Variants in LEPROT observed in about 807,000 individuals in gnomAD.
The protein encoded by LEPROT is leptin receptor gene-related protein.
In LEPROT, 3 loss-of-function variants were observed where a neutral mutation model predicts 15.4. The observed-to-expected ratio is 0.19, with a 90% CI of 0.09 to 0.50. The LOEUF is 0.50. Among genes scored for constraint, LEPROT ranks in the 20% least tolerant of loss-of-function variants. The pLI, the probability that LEPROT is intolerant of heterozygous loss-of-function variation, is 0.97. For synonymous variants in LEPROT, 59 were observed against 57.5 expected (o/e 1.03, Z -0.12); for missense variants, 137 against 162.2 (o/e 0.84, Z 0.84).
intron 3 of LEPROT, among the ~76,000 whole-genome samples, chr1:65,431,155 T>C (rs1646476800): frequency 6.6e-6 from 1 of 152,226 alleles, no homozygotes; most frequent in African/African-American, 2.4e-5. Flanking sequence ...GACTTTATTT[T>C]TCTTGTGCTT....
chr1:65,432,734 A>T lies in LEPROT; in HGVS notation c.*815A>T. 1.4e-4 allele frequency: 89 copies of T among 642,570 alleles called. No homozygotes were observed. The highest frequency in any genetic ancestry group is 2.1e-4 in the South Asian group (3 of 14,352). The allele number at this position is 642,570 out of a possible 1,614,324, so 39.8% of individuals were successfully genotyped here. On this transcript the variant is annotated 3_prime_UTR_variant, in exon 4 of 4. Transcript: ENST00000371065. ...GGAGGAATAAGTGTGATTTTTTTTT[A>T]AAGATCACTTGCACAGCATGCTAAA...
In LEPROT at chr1:65,435,165, G is replaced by T. The variant is rs913263851; in HGVS notation, c.*3246G>T. On this transcript the variant is annotated 3_prime_UTR_variant, in exon 4 of 4. Coordinates refer to ENST00000371065, the MANE Select transcript of LEPROT (RefSeq NM_017526.5). ...TCTTCCTCAGGAGGAGTTCTGAGCTGGTCCTGCTTTTCATAGTTGTTTCTT... is the reference window on the plus strand; with the variant it reads ...TCTTCCTCAGGAGGAGTTCTGAGCTTGTCCTGCTTTTCATAGTTGTTTCTT... 1 of 985,322 alleles carries T rather than the reference G, an allele frequency of 1.0e-6. No homozygotes were observed. The highest frequency in any genetic ancestry group is 1.2e-6 in the Non-Finnish European group (1 of 829,940). The allele number at this position is 985,322 out of a possible 1,614,324, so 61.0% of individuals were successfully genotyped here.
rs1646499322 is a variant in LEPROT, at chr1:65,432,472, C to A, written c.*553C>A. Reference sequence around the variant, plus strand: ...TGTATGCACATGAAAGTTTGAGAAGCATCATCATAGAGAAGTAAACATCAC... The same window carrying A: ...TGTATGCACATGAAAGTTTGAGAAGAATCATCATAGAGAAGTAAACATCAC... On this transcript the variant is annotated 3_prime_UTR_variant, in exon 4 of 4. Coordinates refer to ENST00000371065, the MANE Select transcript of LEPROT (RefSeq NM_017526.5). The A allele has an allele frequency of 1.7e-6, 1 of 593,700 alleles. No homozygotes were observed. Among genetic ancestry groups the A allele is most frequent in the Non-Finnish European group, 2.1e-6 (1 of 472,220 alleles). 36.8% of individuals were successfully genotyped at this position (593,700 alleles called of 1,614,324 possible). A position where few individuals can be genotyped will look rare whatever the true frequency, so the allele number is the denominator to read the frequency against.
chr1:65,432,179 T>C lies in LEPROT; in HGVS notation c.*260T>C, dbSNP rs1430184837. On this transcript the variant is annotated 3_prime_UTR_variant, in exon 4 of 4. Coordinates refer to ENST00000371065, the MANE Select transcript of LEPROT (RefSeq NM_017526.5). ...GTAGTCACGGTGCTCTCAGAAAATA[T>C]ATTAACGCAGTCTTGTAGGCAGCTG... 5 of 1,127,328 alleles carry C rather than the reference T, an allele frequency of 4.4e-6. No individual in the cohort carries two copies. In the African/African-American group the frequency reaches 6.6e-5, roughly 15 times the overall value. The allele number at this position is 1,127,328 out of a possible 1,614,324, so 69.8% of individuals were successfully genotyped here. A position where few individuals can be genotyped will look rare whatever the true frequency, so the allele number is the denominator to read the frequency against.
Position 65,433,456 on chromosome 1 carries a change from C to T in LEPROT, c.*1537C>T, listed in dbSNP as rs1408893196. The T allele has an allele frequency of 2.0e-6, 2 of 985,252 alleles. No individual in the cohort carries two copies. The highest frequency in any genetic ancestry group is 3.5e-5 in the African/African-American group (2 of 57,224). The allele number at this position is 985,252 out of a possible 1,614,324, so 61.0% of individuals were successfully genotyped here. A position where few individuals can be genotyped will look rare whatever the true frequency, so the allele number is the denominator to read the frequency against. ...AGAAAGGGAAATATGGGAAGGAGAA[C>T]CATTTGATCAGAATACAACCAATAG... is the stretch of plus-strand genomic sequence containing the variant. On this transcript the variant is annotated 3_prime_UTR_variant, in exon 4 of 4. Transcript: ENST00000371065.
chr1:65,434,320 TC>T lies in LEPROT; in HGVS notation c.*2402del. 2 of 984,914 alleles carry T rather than the reference TC, an allele frequency of 2.0e-6. No homozygotes were observed. Among genetic ancestry groups the T allele is most frequent in the Non-Finnish European group, 2.4e-6 (2 of 829,468 alleles). 61.0% of individuals were successfully genotyped at this position (984,914 alleles called of 1,614,324 possible). Reference sequence around the variant, plus strand: ...GGACATTTTTTTCCTTATAAAAGGCTCTTTTTTTATATATTGTACAATATAT... The same window carrying T: ...GGACATTTTTTTCCTTATAAAAGGCTTTTTTTTATATATTGTACAATATAT... On this transcript the variant is annotated 3_prime_UTR_variant, in exon 4 of 4. Coordinates refer to ENST00000371065, the MANE Select transcript of LEPROT (RefSeq NM_017526.5).
intron 3 of LEPROT, 44 bp from the exon 4 acceptor site, chr1:65,431,759 T>C: frequency 6.3e-7 from 1 of 1,592,292 alleles, no homozygotes; most frequent in East Asian, 2.2e-5. Context: ...AAGAGTACAA[T>C]ATGAAGGAAG....
At chr1:65,430,477 C>T (rs1306935130) in intron 3 of LEPROT, among the ~76,000 whole-genome samples, 1 of 152,164 alleles carries the variant, frequency 6.6e-6, no homozygotes, top group African/African-American at 2.4e-5. Context: ...AACTGTGTAG[C>T]TTCCAGAAAA....
chr1:65,433,395 G>C lies in LEPROT; in HGVS notation c.*1476G>C. The C allele has an allele frequency of 1.0e-6, 1 of 985,434 alleles. No homozygotes were observed. Among genetic ancestry groups the C allele is most frequent in the South Asian group, 4.7e-5 (1 of 21,292 alleles). 61.0% of individuals were successfully genotyped at this position (985,434 alleles called of 1,614,324 possible). A position where few individuals can be genotyped will look rare whatever the true frequency, so the allele number is the denominator to read the frequency against. Reference sequence around the variant, plus strand: ...TGTCATGTTGGATCCTGTAATCACAGTTTTCCCTGCTCACCTTTTTGTCTA... The same window carrying C: ...TGTCATGTTGGATCCTGTAATCACACTTTTCCCTGCTCACCTTTTTGTCTA... On this transcript the variant is annotated 3_prime_UTR_variant, in exon 4 of 4. Coordinates refer to ENST00000371065, the MANE Select transcript of LEPROT (RefSeq NM_017526.5).
chr1:65,432,618 G>A lies in LEPROT; in HGVS notation c.*699G>A. The A allele has an allele frequency of 1.0e-6, 1 of 984,264 alleles. No individual in the cohort carries two copies. The highest frequency in any genetic ancestry group is 1.2e-6 in the Non-Finnish European group (1 of 829,266). 61.0% of individuals were successfully genotyped at this position (984,264 alleles called of 1,614,324 possible). The stretch of plus-strand genomic sequence containing the variant: ...TTTCATGCTGAGGACAAGTTCAGAT[G>A]TTCAAGCCTATAATATTTAGGCAGT... On this transcript the variant is annotated 3_prime_UTR_variant, in exon 4 of 4. Transcript: ENST00000371065.
rs781428072 is a variant in LEPROT, at chr1:65,420,688, G to A, written c.-37G>A. On this transcript the variant is annotated 5_prime_UTR_variant, in exon 1 of 4. Coordinates refer to ENST00000371065, the MANE Select transcript of LEPROT (RefSeq NM_017526.5). ...TGGGCAGGCTGCCCGGGCCGTGGCA[G>A]GAAGCCGGAAGCAGCCGCGGCCCCA... 2.1e-5 allele frequency: 33 copies of A among 1,570,680 alleles called. No individual in the cohort carries two copies. The highest frequency in any genetic ancestry group is 3.5e-5 in the South Asian group (3 of 85,494).
In LEPROT at chr1:65,434,136, A is replaced by G. The variant is rs909427644; in HGVS notation, c.*2217A>G. 1 of 984,110 alleles carries G rather than the reference A, an allele frequency of 1.0e-6. No individual in the cohort carries two copies. Among genetic ancestry groups the G allele is most frequent in the Non-Finnish European group, 1.2e-6 (1 of 828,826 alleles). 61.0% of individuals were successfully genotyped at this position (984,110 alleles called of 1,614,324 possible). A position where few individuals can be genotyped will look rare whatever the true frequency, so the allele number is the denominator to read the frequency against. ...TTAGATTGATATAAAGTACTTGCAT[A>G]TAGAGTATTTGAAGTGATAGATTAT... On this transcript the variant is annotated 3_prime_UTR_variant, in exon 4 of 4. Transcript: ENST00000371065.
Position 65,433,484 on chromosome 1 carries a change from T to C in LEPROT, c.*1565T>C. ...TTTGATCAGAATACAACCAATAGTC[T>C]TTAAGCATTGTTAAAGTATGAAACT... On this transcript the variant is annotated 3_prime_UTR_variant, in exon 4 of 4. Transcript: ENST00000371065. The C allele has an allele frequency of 1.0e-6, 1 of 985,416 alleles. No homozygotes were observed. The highest frequency in any genetic ancestry group is 1.2e-6 in the Non-Finnish European group (1 of 829,886). The allele number at this position is 985,416 out of a possible 1,614,324, so 61.0% of individuals were successfully genotyped here.
At position 65,435,755 on chromosome 1, in the gene LEPROT, TAGTA is replaced by T; in HGVS notation, c.*3838_*3841del. The T allele has an allele frequency of 1.0e-6, 1 of 983,674 alleles. No homozygotes were observed. The highest frequency in any genetic ancestry group is 1.2e-6 in the Non-Finnish European group (1 of 828,356). The allele number at this position is 983,674 out of a possible 1,614,324, so 60.9% of individuals were successfully genotyped here. ...TGAGGATGCTAGCATTTTCCAAGCA[TAGTA>T]ATTAGTTCACAACTGAGAAATATTA... On this transcript the variant is annotated 3_prime_UTR_variant, in exon 4 of 4. Coordinates refer to ENST00000371065, the MANE Select transcript of LEPROT (RefSeq NM_017526.5).
At position 65,433,427 on chromosome 1, in the gene LEPROT, A is replaced by G. The variant is rs1335733732; in HGVS notation, c.*1508A>G. On this transcript the variant is annotated 3_prime_UTR_variant, in exon 4 of 4. Coordinates refer to ENST00000371065, the MANE Select transcript of LEPROT (RefSeq NM_017526.5). ...CTGCTCACCTTTTTGTCTAAGATCT[A>G]TTGAGAAAGGGAAATATGGGAAGGA... 11 of 985,254 alleles carry G rather than the reference A, an allele frequency of 1.1e-5. No homozygotes were observed. Among genetic ancestry groups the G allele is most frequent in the South Asian group, 4.7e-5 (1 of 21,296 alleles). The allele number at this position is 985,254 out of a possible 1,614,324, so 61.0% of individuals were successfully genotyped here.
chr1:65,422,818 T>C (rs1361798042), intron 1 of LEPROT, among the ~76,000 whole-genome samples: 14 of 152,182 alleles, frequency 9.2e-5, no homozygotes, highest in Non-Finnish European at 1.3e-4. Context: ...CAGGCGATGG[T>C]GAGCCTCCGT....
chr1:65,425,238 C>T lies in LEPROT; in HGVS notation c.17-65C>T, dbSNP rs1312821414. 4 of 1,434,470 alleles carry T rather than the reference C, an allele frequency of 2.8e-6. No homozygotes were observed. The African/African-American group carries it at 5.7e-5, about 20-fold the overall frequency. 88.9% of individuals were successfully genotyped at this position (1,434,470 alleles called of 1,614,324 possible). ...TATTAGAAGTCACTCCCCATTTCCC[C>T]AAACCCTCTAGTGCCTGACAACCTC... On this transcript the variant is annotated intron_variant, in intron 1 of 3. Transcript: ENST00000371065.
In LEPROT at chr1:65,434,910, CACAGAAAGAATGCCTTGTG is replaced by C; in HGVS notation, c.*2993_*3011del. ...GAGAAGAAAGCAGATCACACTTCATCACAGAAAGAATGCCTTGTGATTATCTTCTCCACATCTGAAATTC... is the reference window on the plus strand; with the variant it reads ...GAGAAGAAAGCAGATCACACTTCATCATTATCTTCTCCACATCTGAAATTC... On this transcript the variant is annotated 3_prime_UTR_variant, in exon 4 of 4. Transcript: ENST00000371065. The C allele has an allele frequency of 1.7e-5, 17 of 985,436 alleles. No individual in the cohort carries two copies. The highest frequency in any genetic ancestry group is 2.0e-5 in the Non-Finnish European group (17 of 829,934). The allele number at this position is 985,436 out of a possible 1,614,324, so 61.0% of individuals were successfully genotyped here. A position where few individuals can be genotyped will look rare whatever the true frequency, so the allele number is the denominator to read the frequency against.
In LEPROT at chr1:65,432,504, C is replaced by T. The variant is rs1220299663; in HGVS notation, c.*585C>T. 3 of 639,580 alleles carry T rather than the reference C, an allele frequency of 4.7e-6. No individual in the cohort carries two copies. Among genetic ancestry groups the T allele is most frequent in the East Asian group, 2.7e-4 (2 of 7,282 alleles). 39.6% of individuals were successfully genotyped at this position (639,580 alleles called of 1,614,324 possible). A position where few individuals can be genotyped will look rare whatever the true frequency, so the allele number is the denominator to read the frequency against. Reference sequence around the variant, plus strand: ...ATAGAGAAGTAAACATCACACCCAACTTCCTTATCTTTCCAGTGGCTAAAC... The same window carrying T: ...ATAGAGAAGTAAACATCACACCCAATTTCCTTATCTTTCCAGTGGCTAAAC... On this transcript the variant is annotated 3_prime_UTR_variant, in exon 4 of 4. Coordinates refer to ENST00000371065, the MANE Select transcript of LEPROT (RefSeq NM_017526.5).
Sources: gnomAD v4.1 joint callset for allele counts (sites outside exome capture counted in the v4.1 genomes callset) on GRCh38, gnomAD v4.1.1 for gene constraint, MANE v1.5 for transcripts, NCBI Gene and HGNC (gene_info 2026-07-23, HGNC 2026-07-21) for gene names.